Variants in ARHGAP19 observed in about 807,000 individuals in gnomAD.
ARHGAP19 encodes rho GTPase-activating protein 19.
A neutral mutation model predicts 60.9 loss-of-function variants in ARHGAP19; 48 were observed. The observed-to-expected ratio is 0.79, with a 90% CI of 0.62 to 1.00. ARHGAP19 has a LOEUF of 1.00. Among genes scored for constraint, ARHGAP19 ranks in the 50% least tolerant of loss-of-function variants. The pLI, the probability that ARHGAP19 is intolerant of heterozygous loss-of-function variation, is 0.00. For missense variants in ARHGAP19, 562 were observed against 597.2 expected (o/e 0.94, Z 0.61); for synonymous variants, 209 against 215.5 (o/e 0.97, Z 0.27).
chr10:97,226,620 T>C (rs1408185519), intron 11 of ARHGAP19, among the ~76,000 whole-genome samples: 3 of 152,180 alleles, frequency 2.0e-5, no homozygotes, highest in African/African-American at 4.8e-5. Context: ...CTGTCATTTT[T>C]CGGAAGATGA....
rs1195630748 is a variant in ARHGAP19 at position 97,270,673 on chromosome 10, TTTG to T, written c.57-4551_57-4549del. On this transcript the variant is annotated intron_variant, in intron 1 of 11. Transcript: ENST00000358531. ...AGACAGGAAGAAAGCTTTCCCCTTG[TTTG>T]TTGTGACAAAGAAACTCTCCTTTCC... 3.2e-6 allele frequency: 5 copies of T among 1,544,690 alleles called. No individual in the cohort carries two copies. In the East Asian group the frequency reaches 1.2e-4, roughly 38 times the overall value.
At position 97,229,869 on chromosome 10, in the gene ARHGAP19, CT is replaced by C; in HGVS notation, c.1289del (p.Lys430ArgfsTer7). 1 of 1,602,254 alleles carries C rather than the reference CT, an allele frequency of 6.2e-7. No homozygotes were observed. Among genetic ancestry groups the C allele is most frequent in the Non-Finnish European group, 8.5e-7 (1 of 1,172,182 alleles). ...CTGACATCATCTGATTTCCCAGGACCTTCCGCTGATTTAAGAACAGAAAACA... is the reference window on the plus strand; with the variant it reads ...CTGACATCATCTGATTTCCCAGGACCTCCGCTGATTTAAGAACAGAAAACA... ...SRSFSGLIKR[K>X]VLGNQMMSEK... On this transcript the variant is annotated frameshift_variant, in exon 10 of 12. Coordinates refer to ENST00000358531, the MANE Select transcript of ARHGAP19 (RefSeq NM_032900.6). LOFTEE classifies it high-confidence loss of function.
chr10:97,239,956 C>T (rs1347370770), intron 8 of ARHGAP19, among the ~76,000 whole-genome samples: 1 of 152,034 alleles, frequency 6.6e-6, no homozygotes, highest in East Asian at 1.9e-4. Flanking sequence ...ACCGGCCTGC[C>T]TCAGCCTCCT....
chr10:97,225,871 G>T lies in ARHGAP19; in HGVS notation c.*251C>A, dbSNP rs1850885266. On this transcript the variant is annotated 3_prime_UTR_variant, in exon 12 of 12. Transcript: ENST00000358531. ...CTTAGTGTGCTGTATAAGCTGGTTG[G>T]ATAGTTAGTGGTTTCCCCATAATAT... The T allele has an allele frequency of 3.9e-6, 2 of 519,352 alleles. No homozygotes were observed. Among genetic ancestry groups the T allele is most frequent in the African/African-American group, 3.8e-5 (2 of 52,316 alleles). 32.2% of individuals were successfully genotyped at this position (519,352 alleles called of 1,614,324 possible).
chr10:97,292,386 G>C (rs1271437397), intron 1 of ARHGAP19, among the ~76,000 whole-genome samples, 186 bp downstream of exon 1: 1 of 152,234 alleles, frequency 6.6e-6, no homozygotes. Flanking sequence ...CGAGCGGGGG[G>C]TTTGGCTGGA....
At chr10:97,230,681 G>T (rs903045502) in intron 9 of ARHGAP19, among the ~76,000 whole-genome samples, 7 of 152,100 alleles carry the variant, frequency 4.6e-5, no homozygotes, top group Non-Finnish European at 8.8e-5. Context: ...TACATGAGAG[G>T]AGTTCTGGAG....
intron 1 of ARHGAP19, among the ~76,000 whole-genome samples, chr10:97,271,434 G>A (rs894508299): frequency 1.3e-5 from 2 of 151,960 alleles, no homozygotes; most frequent in African/African-American, 4.8e-5. Flanking sequence ...TATAACCAAG[G>A]ATCAGTATTC....
intron 8 of ARHGAP19, among the ~76,000 whole-genome samples, chr10:97,239,550 GGGTGTGTGTGTGTGTGTGT>G (rs1323729478): frequency 0.23 from 26,578 of 115,060 alleles, 3,461 homozygotes; most frequent in East Asian, 0.39. Context: ...GAGAGAGAGA[GGGTGTGTGTGTGTGTGTGT>G]GTGTGTGTGT....
intron 1 of ARHGAP19, among the ~76,000 whole-genome samples, chr10:97,279,554 G>T (rs12763935): frequency 6.6e-6 from 1 of 151,900 alleles, no homozygotes; most frequent in African/African-American, 2.4e-5. Flanking sequence ...GTGCAATGGC[G>T]CAATCATGAC....
intron 1 of ARHGAP19, among the ~76,000 whole-genome samples, chr10:97,267,564 G>A (rs182312497): frequency 1.3e-5 from 2 of 152,178 alleles, no homozygotes; most frequent in African/African-American, 4.8e-5. Flanking sequence ...CCCTAGCAGA[G>A]GTTCTCCATG....
At chr10:97,237,222 T>C (rs140526861) in intron 8 of ARHGAP19, among the ~76,000 whole-genome samples, 2 of 96,132 alleles carry the variant, frequency 2.1e-5, no homozygotes, top group African/African-American at 7.2e-5. Context: ...CTGAGATCAA[T>C]CACGTCATTC....
chr10:97,245,617 AT>A (rs1268284731), intron 7 of ARHGAP19, among the ~76,000 whole-genome samples: 20 of 139,356 alleles, frequency 1.4e-4, no homozygotes, highest in African/African-American at 4.3e-4. Flanking sequence ...AAAAAAAAAA[AT>A]CATCATTATC....
At chr10:97,234,056 C>T (rs12220695) in intron 9 of ARHGAP19, among the ~76,000 whole-genome samples, 74,380 of 150,872 alleles carry the variant, frequency 0.49, 20,372 homozygotes, top group East Asian at 0.71. Context: ...CACCTGAGGT[C>T]AGGAGTTCCA....
intron 4 of ARHGAP19, among the ~76,000 whole-genome samples, chr10:97,263,138 C>T (rs1363155381): frequency 6.6e-6 from 1 of 152,112 alleles, no homozygotes; most frequent in Admixed American, 6.5e-5. Flanking sequence ...ACACACTACT[C>T]GAGGATCTAT....
At chr10:97,254,334 G>C (rs1393754561) in intron 6 of ARHGAP19, among the ~76,000 whole-genome samples, 1 of 152,136 alleles carries the variant, frequency 6.6e-6, no homozygotes, top group African/African-American at 2.4e-5. Flanking sequence ...CTGGTATAAA[G>C]TCAGATAAGT....
chr10:97,244,081 A>G lies in ARHGAP19; in HGVS notation c.1072T>C (p.Ser358Pro). Reference protein sequence around the residue: ...AKSQKRNRVDSCPHQEETQHH... With the variant: ...AKSQKRNRVDPCPHQEETQHH... ...TGGGTCTCCTCCTGGTGAGGGCAGGAATCTACCCGGTTCCGTTTCTGAGAC... is the reference window on the plus strand; with the variant it reads ...TGGGTCTCCTCCTGGTGAGGGCAGGGATCTACCCGGTTCCGTTTCTGAGAC... The change falls in exon 8 of 12, where the codon TCC becomes CCC. Residue 358 changes from serine (S) to proline (P), a missense_variant. Coordinates refer to ENST00000358531, the MANE Select transcript of ARHGAP19 (RefSeq NM_032900.6). 1 of 1,614,076 alleles carries G rather than the reference A, an allele frequency of 6.2e-7. No individual in the cohort carries two copies. Among genetic ancestry groups the G allele is most frequent in the Non-Finnish European group, 8.5e-7 (1 of 1,179,988 alleles).
At chr10:97,278,456 T>G (rs1182710914) in intron 1 of ARHGAP19, among the ~76,000 whole-genome samples, 1 of 152,144 alleles carries the variant, frequency 6.6e-6, no homozygotes. Flanking sequence ...CAGTTTAAAT[T>G]TAGTCACTTT....
chr10:97,228,981 T>C, intron 11 of ARHGAP19, 166 bp downstream of exon 11: 2 of 723,284 alleles, frequency 2.8e-6, no homozygotes, highest in South Asian at 3.0e-5. Flanking sequence ...AGTAAATGGT[T>C]CAATAACCAT....
rs548325031 is a variant in ARHGAP19, at chr10:97,222,978, G to C, written c.*3144C>G. 6.6e-6 allele frequency: 1 copy of C among 152,308 alleles called. No individual in the cohort carries two copies. The highest frequency in any genetic ancestry group is 6.5e-5 in the Admixed American group (1 of 15,304). The allele number at this position is 152,308 out of a possible 1,614,324, so 9.4% of individuals were successfully genotyped here. A position where few individuals can be genotyped will look rare whatever the true frequency, so the allele number is the denominator to read the frequency against. On this transcript the variant is annotated 3_prime_UTR_variant, in exon 12 of 12. Coordinates refer to ENST00000358531, the MANE Select transcript of ARHGAP19 (RefSeq NM_032900.6). ...CTCCTAGACGGCAGTATTTTCAACTGCATGCTAACACAGGCTGCTGTGAGG... is the reference window on the plus strand; with the variant it reads ...CTCCTAGACGGCAGTATTTTCAACTCCATGCTAACACAGGCTGCTGTGAGG...
Sources: allele counts gnomAD v4.1 joint callset (sites outside exome capture counted in the v4.1 genomes callset), GRCh38; gene constraint gnomAD v4.1.1; transcripts MANE v1.5; gene names NCBI Gene and HGNC (gene_info 2026-07-23, HGNC 2026-07-21).